Variants in MDGA2 observed in about 807,000 individuals in gnomAD.
MDGA2 encodes MAM domain containing glycosylphosphatidylinositol anchor 2, also known as MAM domain-containing glycosylphosphatidylinositol anchor protein 2.
Under a neutral mutation model 117.8 loss-of-function variants are expected in MDGA2, and 40 were observed. The observed-to-expected ratio is 0.34, with a 90% CI of 0.26 to 0.44. The LOEUF is 0.44. Ranked by LOEUF, MDGA2 falls within the 20% of genes least tolerant of loss-of-function variation. MDGA2 has a pLI of 1.00. For missense variants in MDGA2, 1,123 were observed against 1,250.6 expected, an observed-to-expected ratio of 0.90 and a Z score of 1.54; for synonymous variants, 452 against 439.0, an observed-to-expected ratio of 1.03 and a Z score of -0.37.
intron 1 of MDGA2, among the ~76,000 whole-genome samples, chr14:47,386,156 C>CCTGTAATCCCAGCTACT (rs1313396265): frequency 6.6e-6 from 1 of 151,952 alleles, no homozygotes; most frequent in East Asian, 1.9e-4. Context: ...GTGGGGGGCA[C>CCTGTAATCCCAGCTACT]CTGTAATCCC....
intron 2 of MDGA2, among the ~76,000 whole-genome samples, chr14:47,291,446 T>A (rs1457625563): frequency 1.3e-5 from 2 of 152,182 alleles, no homozygotes. Flanking sequence ...CCAGTACAGA[T>A]GCTCCTTAAC....
At chr14:47,364,115 C>T (rs1207167943) in intron 1 of MDGA2, among the ~76,000 whole-genome samples, 2 of 152,070 alleles carry the variant, frequency 1.3e-5, no homozygotes, top group Non-Finnish European at 2.9e-5. Flanking sequence ...TGTGGCTTCA[C>T]CATCTTTATT....
intron 2 of MDGA2, among the ~76,000 whole-genome samples, chr14:47,283,263 T>C (rs1051628765): frequency 3.4e-4 from 51 of 152,238 alleles, no homozygotes; most frequent in African/African-American, 1.2e-3. Flanking sequence ...AAAGAATGAA[T>C]GGAATTTCAA....
chr14:47,207,452 A>G (rs1305304968), intron 3 of MDGA2, among the ~76,000 whole-genome samples: 1 of 151,910 alleles, frequency 6.6e-6, no homozygotes, highest in Non-Finnish European at 1.5e-5. Flanking sequence ...TTATTGAGGG[A>G]GAGGTCTGCT....
chr14:47,567,912 G>T (rs1895949586), intron 1 of MDGA2, among the ~76,000 whole-genome samples: 1 of 151,828 alleles, frequency 6.6e-6, no homozygotes, highest in South Asian at 2.1e-4. Context: ...CTGCTTGCTG[G>T]CATGTTCCAA....
intron 9 of MDGA2, among the ~76,000 whole-genome samples, chr14:46,933,343 A>C (rs1227441721): frequency 2.6e-5 from 4 of 152,002 alleles, no homozygotes; most frequent in Non-Finnish European, 5.9e-5. Flanking sequence ...AGAAGTCTTT[A>C]AAAAAATTTT....
intron 5 of MDGA2, among the ~76,000 whole-genome samples, chr14:47,129,447 T>C (rs1173401243): frequency 1.3e-5 from 2 of 151,952 alleles, no homozygotes; most frequent in South Asian, 2.1e-4. Context: ...CTGCATAGTA[T>C]TCCATGGTGT....
At chr14:47,173,022 T>C (rs1457617502) in intron 3 of MDGA2, among the ~76,000 whole-genome samples, 1 of 152,024 alleles carries the variant, frequency 6.6e-6, no homozygotes, top group Non-Finnish European at 1.5e-5. Context: ...CAGGAGCCGA[T>C]GCGATCAACT....
intron 1 of MDGA2, among the ~76,000 whole-genome samples, chr14:47,503,414 C>T (rs1894441116): frequency 6.7e-6 from 1 of 148,482 alleles, no homozygotes; most frequent in Non-Finnish European, 1.5e-5. Context: ...ACATTATCCT[C>T]TACTACCTTT....
intron 9 of MDGA2, among the ~76,000 whole-genome samples, chr14:46,953,722 A>G (rs1032445895): frequency 6.6e-6 from 1 of 152,094 alleles, no homozygotes; most frequent in South Asian, 2.1e-4. Flanking sequence ...AAAGTAAAGA[A>G]ATATGAAGAA....
At chr14:47,261,734 A>G (rs1338107831) in intron 2 of MDGA2, among the ~76,000 whole-genome samples, 1 of 152,150 alleles carries the variant, frequency 6.6e-6, no homozygotes, top group African/African-American at 2.4e-5. Context: ...GGTGCTCACC[A>G]TGCCCAGATG....
intron 10 of MDGA2, among the ~76,000 whole-genome samples, chr14:46,917,439 G>A (rs1883944879): frequency 6.6e-6 from 1 of 152,058 alleles, no homozygotes; most frequent in Admixed American, 6.6e-5. Flanking sequence ...TTGCCTGACA[G>A]GTATAATCTT....
intron 8 of MDGA2, among the ~76,000 whole-genome samples, chr14:47,000,860 G>C (rs1234934692): frequency 6.6e-6 from 1 of 151,824 alleles, no homozygotes; most frequent in Non-Finnish European, 1.5e-5. Context: ...TAAAACCTAA[G>C]TAATTCTTTG....
intron 5 of MDGA2, among the ~76,000 whole-genome samples, chr14:47,121,310 A>C (rs1197470285): frequency 6.6e-6 from 1 of 152,136 alleles, no homozygotes; most frequent in Middle Eastern, 3.2e-3. Context: ...GTAAATATAG[A>C]ATATTCCAAA....
At chr14:47,164,289 C>T (rs1467327185) in intron 3 of MDGA2, among the ~76,000 whole-genome samples, 1 of 152,114 alleles carries the variant, frequency 6.6e-6, no homozygotes, top group Non-Finnish European at 1.5e-5. Flanking sequence ...ACAGCTTTCC[C>T]AGTTCCCTGA....
At chr14:47,305,748 C>T (rs1272980016) in intron 1 of MDGA2, among the ~76,000 whole-genome samples, 2 of 152,136 alleles carry the variant, frequency 1.3e-5, no homozygotes, top group Non-Finnish European at 2.9e-5. Flanking sequence ...TTACAGCCTA[C>T]TGGGTTTGTC....
chr14:46,979,707 C>A (rs916338119), intron 8 of MDGA2, among the ~76,000 whole-genome samples: 1 of 152,104 alleles, frequency 6.6e-6, no homozygotes, highest in Non-Finnish European at 1.5e-5. Flanking sequence ...TTAATGGTAT[C>A]AAGGATGACA....
intron 2 of MDGA2, among the ~76,000 whole-genome samples, chr14:47,278,010 A>T (rs1299309672): frequency 1.3e-5 from 2 of 152,164 alleles, no homozygotes; most frequent in Non-Finnish European, 2.9e-5. Flanking sequence ...AGAGTTAGGG[A>T]GGGAAAGCCC....
intron 1 of MDGA2, among the ~76,000 whole-genome samples, chr14:47,558,355 G>T (rs143651962): frequency 5.9e-5 from 9 of 152,264 alleles, no homozygotes; most frequent in African/African-American, 2.2e-4. Context: ...TGCTAGTTTT[G>T]ATTTTAACCC....
Sources: gnomAD v4.1 joint callset for allele counts (sites outside exome capture counted in the v4.1 genomes callset) on GRCh38, gnomAD v4.1.1 for gene constraint, MANE v1.5 for transcripts, NCBI Gene and HGNC (gene_info 2026-07-23, HGNC 2026-07-21) for gene names.